Variants in HIRA observed in about 807,000 individuals in gnomAD.
HIRA encodes the protein histone cell cycle regulator.
In HIRA, 13 loss-of-function variants were observed where a neutral mutation model predicts 126.6. The observed-to-expected ratio is 0.10, with a 90% confidence interval of 0.07 to 0.16. The LOEUF (loss-of-function observed/expected upper bound fraction) is 0.16. Among genes scored for constraint, HIRA ranks in the 10% least tolerant of loss-of-function variants. HIRA has a pLI of 1.00. For synonymous variants in HIRA, 511 were observed against 520.0 expected (o/e 0.98, Z 0.24); for missense variants, 834 against 1,314.4 (o/e 0.63, Z 5.65).
chr22:19,412,087 G>C (rs1343842196), intron 1 of HIRA, among the ~76,000 whole-genome samples: 1 of 152,214 alleles, frequency 6.6e-6, no homozygotes, highest in Non-Finnish European at 1.5e-5. Flanking sequence ...TAACCAAAGG[G>C]AAATGACAGA....
Position 19,404,559 on chromosome 22 carries a change from G to A in HIRA, c.397+1227C>T, listed in dbSNP as rs117498112. ...CTCAATCTATGGCCGCCACCAAGAT[G>A]GGTTTGTTCTCCTTTTAACAGTCTA... On this transcript the variant is annotated intron_variant, in intron 5 of 24. Transcript: ENST00000263208. Among the ~76,000 whole-genome samples the A allele has an allele frequency of 1.7e-4, 26 of 152,220 alleles. No individual in the cohort carries two copies. The East Asian group carries it at 5.0e-3, about 29-fold the overall frequency.
At chr22:19,418,939 C>T (rs913053711) in intron 1 of HIRA, among the ~76,000 whole-genome samples, 9 of 151,940 alleles carry the variant, frequency 5.9e-5, no homozygotes, top group Non-Finnish European at 1.2e-4. Flanking sequence ...CACACACACA[C>T]ACACACACAC....
chr22:19,375,182 A>ATC (rs1162130149), intron 15 of HIRA, among the ~76,000 whole-genome samples: 1 of 152,222 alleles, frequency 6.6e-6, no homozygotes, highest in Non-Finnish European at 1.5e-5. Context: ...CTGACTTGAC[A>ATC]AAGACCTCAC....
intron 23 of HIRA, 142 bp downstream of exon 23, chr22:19,353,214 G>T: frequency 1.0e-6 from 1 of 980,952 alleles, no homozygotes. Flanking sequence ...TGCCTGCTGA[G>T]CTGCCTTGAC....
At chr22:19,394,285 GAATT>G (rs1178515364) in intron 8 of HIRA, 53 bp downstream of exon 8, 2 of 1,570,784 alleles carry the variant, frequency 1.3e-6, no homozygotes, top group East Asian at 2.3e-5. Flanking sequence ...AATAAACCAA[GAATT>G]AATATTTGCT....
chr22:19,368,547 C>A (rs2088935542), intron 15 of HIRA, among the ~76,000 whole-genome samples: 1 of 151,882 alleles, frequency 6.6e-6, no homozygotes, highest in African/African-American at 2.4e-5. Context: ...GCTTTTGGAA[C>A]AGTCAAAAAT....
At chr22:19,357,852 GC>G (rs1556013155) in intron 18 of HIRA, among the ~76,000 whole-genome samples, 1 of 152,212 alleles carries the variant, frequency 6.6e-6, no homozygotes, top group Non-Finnish European at 1.5e-5. Context: ...TCTGCCAACT[GC>G]CTTCCTAATG....
At chr22:19,357,200 G>T in intron 18 of HIRA, 149 bp from the exon 19 acceptor site, 1 of 857,268 alleles carries the variant, frequency 1.2e-6, no homozygotes, top group Non-Finnish European at 1.8e-6. Context: ...GATTGGGTCA[G>T]GGTAGGGCTG....
intron 24 of HIRA, among the ~76,000 whole-genome samples, chr22:19,332,886 G>C (rs2088508826): frequency 6.6e-6 from 1 of 151,926 alleles, no homozygotes; most frequent in Non-Finnish European, 1.5e-5. Context: ...AGATTTAATA[G>C]AGAAGATTTA....
chr22:19,396,284 A>G (rs2089223005), intron 7 of HIRA, among the ~76,000 whole-genome samples: 1 of 152,168 alleles, frequency 6.6e-6, no homozygotes, highest in Admixed American at 6.5e-5. Flanking sequence ...GGGAAGCTGA[A>G]GCGGGTAGAT....
chr22:19,338,660 A>G (rs1325153339), intron 24 of HIRA, among the ~76,000 whole-genome samples: 2 of 152,242 alleles, frequency 1.3e-5, no homozygotes, highest in African/African-American at 2.4e-5. Context: ...GCGAGCAGAA[A>G]TAGCTATTCT....
intron 4 of HIRA, among the ~76,000 whole-genome samples, chr22:19,406,820 T>C (rs568965145): frequency 9.2e-5 from 14 of 152,314 alleles, no homozygotes; most frequent in Non-Finnish European, 1.6e-4. Context: ...GGACTCTGGA[T>C]CCCCTGCCCC....
intron 13 of HIRA, among the ~76,000 whole-genome samples, chr22:19,380,533 T>G (rs1464615978): frequency 6.6e-6 from 1 of 152,260 alleles, no homozygotes; most frequent in Non-Finnish European, 1.5e-5. Flanking sequence ...TAATTTCTGG[T>G]GGGGCTAGTC....
rs374375156 is a variant in HIRA at position 19,356,139 on chromosome 22, A to G, written c.2455+91T>C. On this transcript the variant is annotated intron_variant, in intron 20 of 24. Coordinates refer to ENST00000263208, the MANE Select transcript of HIRA (RefSeq NM_003325.4). Reference sequence around the variant, plus strand: ...TCACTGAGAGCCCTGGGCTGAGGCCAGAGCCTGGCTCTCTGAGCGGGGCCC... The same window carrying G: ...TCACTGAGAGCCCTGGGCTGAGGCCGGAGCCTGGCTCTCTGAGCGGGGCCC... The G allele has an allele frequency of 3.6e-4, 455 of 1,248,230 alleles. 3 individuals carry two copies. The African/African-American group carries it at 6.0e-3, about 16-fold the overall frequency. The allele number at this position is 1,248,230 out of a possible 1,614,324, so 77.3% of individuals were successfully genotyped here.
In HIRA at chr22:19,367,389, C is replaced by T. The variant is rs1342923363; in HGVS notation, c.1776-5458G>A. Reference sequence around the variant, plus strand: ...TACCATTTTTTTTTTTTTTTTGAGACGGAGTCTCACTCTGTTGCTCAGGCT... The same window carrying T: ...TACCATTTTTTTTTTTTTTTTGAGATGGAGTCTCACTCTGTTGCTCAGGCT... On this transcript the variant is annotated intron_variant, in intron 15 of 24. Transcript: ENST00000263208. Among the ~76,000 whole-genome samples, 87 of 144,030 alleles carry T rather than the reference C, an allele frequency of 6.0e-4. 2 individuals carry two copies. Among genetic ancestry groups the T allele is most frequent in the Non-Finnish European group, 1.4e-4 (9 of 66,574 alleles). The allele number at this position is 144,030 out of a possible 152,430, so 94.5% of individuals were successfully genotyped here.
At position 19,421,294 on chromosome 22, in the gene HIRA, C is replaced by T. The variant is rs540874358; in HGVS notation, c.37+10146G>A. Reference sequence around the variant, plus strand: ...AGCCTGGGCAACAAAAGCGAAACTCCGTCTCAAAAAAAAAAAAAAAAATGC... The same window carrying T: ...AGCCTGGGCAACAAAAGCGAAACTCTGTCTCAAAAAAAAAAAAAAAAATGC... On this transcript the variant is annotated intron_variant, in intron 1 of 24. Transcript: ENST00000263208. 5.6e-3 allele frequency among the ~76,000 whole-genome samples: 514 copies of T among 91,154 alleles called. 19 individuals are homozygous for T. The East Asian group carries it at 0.13, about 23-fold the overall frequency. The allele number at this position is 91,154 out of a possible 152,430, so 59.8% of individuals were successfully genotyped here.
intron 14 of HIRA, among the ~76,000 whole-genome samples, chr22:19,377,284 G>A (rs933397034): frequency 2.0e-5 from 3 of 152,220 alleles, no homozygotes; most frequent in Non-Finnish European, 2.9e-5. Flanking sequence ...AAGCCCCTGC[G>A]ATGCCTGGGG....
intron 17 of HIRA, 119 bp from the exon 18 acceptor site, chr22:19,359,603 G>T: frequency 8.6e-7 from 1 of 1,169,284 alleles, no homozygotes; most frequent in Non-Finnish European, 1.1e-6. Flanking sequence ...AGACTGGCTG[G>T]CCAAGAGAGG....
chr22:19,356,018 C>T (rs1302864249), intron 20 of HIRA, among the ~76,000 whole-genome samples, 153 bp from the exon 21 acceptor site: 3 of 152,232 alleles, frequency 2.0e-5, no homozygotes. Context: ...AGCCATTCTC[C>T]TTGCCACACA....
Sources: gnomAD v4.1 joint callset for allele counts (sites outside exome capture counted in the v4.1 genomes callset) on GRCh38, gnomAD v4.1.1 for gene constraint, MANE v1.5 for transcripts, NCBI Gene and HGNC (gene_info 2026-07-23, HGNC 2026-07-21) for gene names.